Variants in CPNE4 observed in about 807,000 individuals in gnomAD.
CPNE4 encodes copine 4.
A neutral mutation model predicts 67.9 loss-of-function variants in CPNE4; 25 were observed. The ratio of observed to expected loss-of-function variants is 0.37; its 90% CI spans 0.27 to 0.51. CPNE4 has a LOEUF of 0.51. Among genes scored for constraint, CPNE4 ranks in the 20% least tolerant of loss-of-function variants. CPNE4 has a pLI of 0.93. For synonymous variants in CPNE4, 242 were observed against 244.9 expected (o/e 0.99, Z 0.11); for missense variants, 464 against 690.8 (o/e 0.67, Z 3.68).
Position 131,991,102 on chromosome 3 carries a change from G to C in CPNE4, c.-2+43465C>G, listed in dbSNP as rs2369353. 6.7e-5 allele frequency among the ~76,000 whole-genome samples: 9 copies of C among 134,760 alleles called. 1 individual carries two copies. Among genetic ancestry groups the C allele is most frequent in the African/African-American group, 2.2e-4 (9 of 40,394 alleles). 88.4% of individuals were successfully genotyped at this position (134,760 alleles called of 152,430 possible). A position where few individuals can be genotyped will look rare whatever the true frequency, so the allele number is the denominator to read the frequency against. ...TCCTTTATAAATTACCCAGTCTCTC[G>C]TATGTCTTTACTAGCAGTTTGAGAA... On this transcript the variant is annotated intron_variant, in intron 1 of 15. Transcript: ENST00000429747.
intron 2 of CPNE4, among the ~76,000 whole-genome samples, chr3:131,729,055 A>G (rs541814978): frequency 5.9e-5 from 9 of 152,282 alleles, no homozygotes; most frequent in Admixed American, 5.9e-4. Context: ...TGAGAGCTAA[A>G]TCGTGTGATG....
At chr3:132,016,003 A>C (rs896494612) in intron 1 of CPNE4, among the ~76,000 whole-genome samples, 1 of 152,252 alleles carries the variant, frequency 6.6e-6, no homozygotes, top group African/African-American at 2.4e-5. Context: ...CTATGAAAAC[A>C]TCCAAAAACA....
chr3:131,862,594 TATA>T (rs1212693388), intron 2 of CPNE4, among the ~76,000 whole-genome samples: 21 of 152,078 alleles, frequency 1.4e-4, no homozygotes, highest in Admixed American at 3.9e-4. Flanking sequence ...TGAAGGCTTA[TATA>T]ATGCCATGTA....
chr3:131,645,173 C>T (rs746414165), intron 7 of CPNE4, among the ~76,000 whole-genome samples: 1 of 152,214 alleles, frequency 6.6e-6, no homozygotes, highest in Non-Finnish European at 1.5e-5. Flanking sequence ...AGACTAACAT[C>T]GTACCTACCT....
At chr3:131,649,835 A>G (rs985115867) in intron 7 of CPNE4, among the ~76,000 whole-genome samples, 7 of 152,234 alleles carry the variant, frequency 4.6e-5, no homozygotes, top group Non-Finnish European at 1.0e-4. Flanking sequence ...GCCTAAAAGA[A>G]GGCCCATTTG....
intron 2 of CPNE4, among the ~76,000 whole-genome samples, chr3:131,857,690 G>A (rs187436193): frequency 6.6e-6 from 1 of 151,970 alleles, no homozygotes; most frequent in East Asian, 1.9e-4. Flanking sequence ...TCTAAGAAAG[G>A]GTCAATGAAA....
At chr3:131,907,865 G>T (rs2088832196) in intron 1 of CPNE4, among the ~76,000 whole-genome samples, 1 of 152,014 alleles carries the variant, frequency 6.6e-6, no homozygotes, top group Non-Finnish European at 1.5e-5. Flanking sequence ...TTGCAATTCT[G>T]GTTTTAATAT....
At chr3:131,769,497 T>C (rs1243738605) in intron 2 of CPNE4, among the ~76,000 whole-genome samples, 1 of 152,122 alleles carries the variant, frequency 6.6e-6, no homozygotes, top group African/African-American at 2.4e-5. Flanking sequence ...AGAAAGGAGC[T>C]TAGATGTGAG....
At chr3:131,727,738 T>C (rs2082034792) in intron 2 of CPNE4, among the ~76,000 whole-genome samples, 1 of 152,316 alleles carries the variant, frequency 6.6e-6, no homozygotes, top group Admixed American at 6.5e-5. Flanking sequence ...CTTACTCCTA[T>C]GTATCCTCAT....
chr3:131,637,927 A>G (rs111375384), intron 7 of CPNE4, among the ~76,000 whole-genome samples: 4,356 of 152,234 alleles, frequency 0.029, 190 homozygotes, highest in African/African-American at 0.098. Flanking sequence ...TTTGTATCCA[A>G]TGAAATTAAG....
chr3:131,823,466 C>T (rs2085037489), intron 2 of CPNE4, among the ~76,000 whole-genome samples: 1 of 152,172 alleles, frequency 6.6e-6, no homozygotes, highest in African/African-American at 2.4e-5. Context: ...CTGTCACATC[C>T]CATCACCACA....
chr3:132,037,437 G>T, upstream of CPNE4: 1 of 753,258 alleles, frequency 1.3e-6, no homozygotes, highest in South Asian at 1.6e-5. Flanking sequence ...CTGTACAAAT[G>T]AAGATTTGTA....
chr3:131,684,213 A>G lies in CPNE4; in HGVS notation c.591+1662T>C, dbSNP rs529315734. 1.2e-4 allele frequency among the ~76,000 whole-genome samples: 19 copies of G among 152,142 alleles called. No individual in the cohort carries two copies. The South Asian group carries it at 3.9e-3, about 32-fold the overall frequency. ...TGGTGTTCTTATGGGTAGGATAATT[A>G]GAGGATGATTAGTGGAGGCTTCTAT... On this transcript the variant is annotated intron_variant, in intron 6 of 15. Coordinates refer to ENST00000429747, the MANE Select transcript of CPNE4 (RefSeq NM_130808.3).
At chr3:131,546,718 C>T (rs1935860166) in intron 14 of CPNE4, among the ~76,000 whole-genome samples, 1 of 152,146 alleles carries the variant, frequency 6.6e-6, no homozygotes, top group Non-Finnish European at 1.5e-5. Flanking sequence ...AGCCTGAAAT[C>T]CAGACCTTTG....
chr3:131,695,776 T>C (rs1471214558), intron 5 of CPNE4, among the ~76,000 whole-genome samples: 1 of 152,194 alleles, frequency 6.6e-6, no homozygotes, highest in Non-Finnish European at 1.5e-5. Flanking sequence ...CAAGACACTT[T>C]TAAAATCCAA....
At chr3:131,765,597 A>T (rs768244439) in intron 2 of CPNE4, among the ~76,000 whole-genome samples, 3 of 152,114 alleles carry the variant, frequency 2.0e-5, no homozygotes, top group South Asian at 4.2e-4. Flanking sequence ...CACTATGAGG[A>T]CTCTGTCAAG....
intron 6 of CPNE4, among the ~76,000 whole-genome samples, chr3:131,682,481 C>G (rs549675451): frequency 6.6e-6 from 1 of 152,278 alleles, no homozygotes; most frequent in African/African-American, 2.4e-5. Context: ...CCTTTACTTT[C>G]TCCCAAACCA....
At chr3:131,801,797 C>T (rs1457023863) in intron 2 of CPNE4, among the ~76,000 whole-genome samples, 1 of 142,516 alleles carries the variant, frequency 7.0e-6, no homozygotes, top group Non-Finnish European at 1.5e-5. Flanking sequence ...TCAGTAAATG[C>T]TCAACTTCAG....
At chr3:131,849,492 G>A (rs1295741172) in intron 2 of CPNE4, among the ~76,000 whole-genome samples, 1 of 151,914 alleles carries the variant, frequency 6.6e-6, no homozygotes, top group Non-Finnish European at 1.5e-5. Context: ...GATCTAATGG[G>A]AACTCACTCT....
Sources: allele counts gnomAD v4.1 joint callset (sites outside exome capture counted in the v4.1 genomes callset), GRCh38; gene constraint gnomAD v4.1.1; transcripts MANE v1.5; gene names NCBI Gene and HGNC (gene_info 2026-07-23, HGNC 2026-07-21).